The following STK32B variants were observed in gnomAD, a reference collection of about 807,000 sequenced individuals.
STK32B encodes the protein serine/threonine kinase 32B, also known as serine/threonine-protein kinase 32B.
Under a neutral mutation model 52.6 loss-of-function variants are expected in STK32B, and 43 were observed. That is an observed-to-expected ratio of 0.82 (90% CI 0.64 to 1.05). STK32B has a LOEUF of 1.05. STK32B is among the 50% of genes least tolerant of loss of function. STK32B has a pLI of 0.00. For synonymous variants in STK32B, 238 were observed against 204.3 expected (o/e 1.17, Z -1.41); for missense variants, 621 against 534.6 (o/e 1.16, Z -1.59).
rs1303359313 is a variant in STK32B at position 5,064,435 on chromosome 4, T to C, written c.52+12520T>C. Among the ~76,000 whole-genome samples the C allele has an allele frequency of 2.0e-4, 22 of 110,900 alleles. 1 individual carries two copies. Among genetic ancestry groups the C allele is most frequent in the African/African-American group, 7.0e-4 (22 of 31,378 alleles). 72.8% of individuals were successfully genotyped at this position (110,900 alleles called of 152,430 possible). On this transcript the variant is annotated intron_variant, in intron 1 of 11. Coordinates refer to ENST00000282908, the MANE Select transcript of STK32B (RefSeq NM_018401.3). ...ATATATAAATATATACTTATATACA[T>C]ATAATATATAAATATATACTTATAT...
intron 3 of STK32B, among the ~76,000 whole-genome samples, chr4:5,195,495 C>G (rs1474421786): frequency 6.6e-6 from 1 of 152,104 alleles, no homozygotes; most frequent in Non-Finnish European, 1.5e-5. Context: ...TAGTATGAGA[C>G]CAGCCTGGCT....
chr4:5,359,657 G>C (rs1005319651), intron 4 of STK32B, among the ~76,000 whole-genome samples: 3 of 152,220 alleles, frequency 2.0e-5, no homozygotes, highest in African/African-American at 7.2e-5. Flanking sequence ...ACAGAGACCA[G>C]AGAAAGACCT....
intron 2 of STK32B, among the ~76,000 whole-genome samples, chr4:5,143,674 C>T (rs1048828242): frequency 2.0e-5 from 3 of 152,152 alleles, no homozygotes; most frequent in African/African-American, 7.2e-5. Context: ...GGCCCTTGCT[C>T]CTAGCCTGCT....
chr4:5,040,599 G>A, the STK32B span, among the ~76,000 whole-genome samples: 37 of 151,940 alleles, frequency 2.4e-4, no homozygotes, highest in Non-Finnish European at 3.4e-4. Flanking sequence ...TCACCATGTT[G>A]GCCAAGATGG....
intron 6 of STK32B, among the ~76,000 whole-genome samples, chr4:5,439,879 G>C (rs1714540344): frequency 6.6e-6 from 1 of 152,102 alleles, no homozygotes; most frequent in Non-Finnish European, 1.5e-5. Context: ...CCCATTGCTT[G>C]TTTTTCTCAG....
At chr4:5,221,288 A>G (rs1176246485) in intron 3 of STK32B, among the ~76,000 whole-genome samples, 1 of 152,200 alleles carries the variant, frequency 6.6e-6, no homozygotes, top group Non-Finnish European at 1.5e-5. Flanking sequence ...CCAATTTTAC[A>G]GCAATAAAAT....
At chr4:5,161,636 TGTAA>T (rs1307954414) in intron 2 of STK32B, among the ~76,000 whole-genome samples, 2 of 152,188 alleles carry the variant, frequency 1.3e-5, no homozygotes, top group South Asian at 2.1e-4. Flanking sequence ...TGTTGCTGGC[TGTAA>T]GTGTGTATAG....
At chr4:5,384,558 A>AT (rs1318275544) in intron 4 of STK32B, among the ~76,000 whole-genome samples, 7 of 152,074 alleles carry the variant, frequency 4.6e-5, no homozygotes, top group African/African-American at 1.4e-4. Context: ...CCCTGGTTGT[A>AT]TTTTTCTGCA....
chr4:5,470,641 G>A lies in STK32B; in HGVS notation c.1106+2571G>A, dbSNP rs1451122684. On this transcript the variant is annotated intron_variant, in intron 11 of 11. Coordinates refer to ENST00000282908, the MANE Select transcript of STK32B (RefSeq NM_018401.3). This position sits in a 1 kb window ranked among gnomAD's most constrained non-coding sequence, Gnocchi z 4.6. Reference sequence around the variant, plus strand: ...GCCGACCCCATCCCCACCTCATCTTGTGGGAAGAGAGCCATGCTCCATCTA... The same window carrying A: ...GCCGACCCCATCCCCACCTCATCTTATGGGAAGAGAGCCATGCTCCATCTA... Among the ~76,000 whole-genome samples the A allele has an allele frequency of 6.6e-6, 1 of 151,078 alleles. No homozygotes were observed. The highest frequency in any genetic ancestry group is 2.4e-5 in the African/African-American group (1 of 41,418).
Position 5,331,291 on chromosome 4 carries a change from A to T in STK32B, c.332A>T (p.His111Leu). Reference sequence around the variant, plus strand: ...CTCCTGGGAGGCGACCTGCGCTACCATCTGCAGCAGAATGTGCATTTCACA... The same window carrying T: ...CTCCTGGGAGGCGACCTGCGCTACCTTCTGCAGCAGAATGTGCATTTCACA... ...DLLLGGDLRY[H>L]LQQNVHFTEG... Residue 111 changes from histidine to leucine, a missense_variant, in exon 4 of 12, where the codon CAT becomes CTT. Physicochemically the swap from His to Leu is moderately conservative, Grantham distance 99. Coordinates refer to ENST00000282908, the MANE Select transcript of STK32B (RefSeq NM_018401.3). 6.2e-7 allele frequency: 1 copy of T among 1,613,962 alleles called. No homozygotes were observed. The highest frequency in any genetic ancestry group is 1.1e-5 in the South Asian group (1 of 91,050).
At chr4:5,487,607 C>T (rs939483057) in intron 11 of STK32B, among the ~76,000 whole-genome samples, 28 of 152,166 alleles carry the variant, frequency 1.8e-4, no homozygotes, top group Non-Finnish European at 4.0e-4. Context: ...CAAAAGAAAT[C>T]ACCAATACAA....
In STK32B at chr4:5,215,451, C is replaced by T. The variant is rs576955383; in HGVS notation, c.260+47001C>T. 2.0e-3 allele frequency among the ~76,000 whole-genome samples: 305 copies of T among 152,204 alleles called. 1 individual carries two copies. The highest frequency in any genetic ancestry group is 6.8e-3 in the Middle Eastern group (2 of 294). The stretch of plus-strand genomic sequence containing the variant: ...CTTCAGTTAAGAACTGGAGGGTAAA[C>T]GCAGAAGGGGCACCTTTCACATGAG... On this transcript the variant is annotated intron_variant, in intron 3 of 11. Transcript: ENST00000282908.
chr4:5,157,937 C>T (rs919932325), intron 2 of STK32B, among the ~76,000 whole-genome samples: 25 of 152,232 alleles, frequency 1.6e-4, no homozygotes, highest in African/African-American at 6.0e-4. Context: ...ATGCAGACAT[C>T]TTCATGAAGG....
chr4:5,039,419 T>C, the STK32B span, among the ~76,000 whole-genome samples: 1 of 152,158 alleles, frequency 6.6e-6, no homozygotes, highest in Non-Finnish European at 1.5e-5. Context: ...AGGGTCGGGA[T>C]CATCAATTTC....
chr4:5,142,070 C>T (rs765616974), intron 2 of STK32B, among the ~76,000 whole-genome samples: 10 of 152,138 alleles, frequency 6.6e-5, no homozygotes, highest in Non-Finnish European at 8.8e-5. Context: ...CGAGCTCTTC[C>T]GGTAGAGAAG....
chr4:5,469,772 G>T lies in STK32B; in HGVS notation c.1106+1702G>T, dbSNP rs999920935. Reference sequence around the variant, plus strand: ...CAGCTCTGGCCAACAACACAGGAAGGGCCTCTGCAGCCACAGCCCATCAGA... The same window carrying T: ...CAGCTCTGGCCAACAACACAGGAAGTGCCTCTGCAGCCACAGCCCATCAGA... On this transcript the variant is annotated intron_variant, in intron 11 of 11. Transcript: ENST00000282908. This position sits in a 1 kb window ranked among gnomAD's most constrained non-coding sequence, Gnocchi z 4.7. Among the ~76,000 whole-genome samples, 1 of 152,154 alleles carries T rather than the reference G, an allele frequency of 6.6e-6. No individual in the cohort carries two copies. Among genetic ancestry groups the T allele is most frequent in the Non-Finnish European group, 1.5e-5 (1 of 68,032 alleles).
intron 1 of STK32B, among the ~76,000 whole-genome samples, chr4:5,114,437 C>T (rs1387249952): frequency 1.3e-5 from 2 of 151,882 alleles, no homozygotes; most frequent in Non-Finnish European, 2.9e-5. Flanking sequence ...GTCAGGCGTC[C>T]TGTTTTCTAT....
chr4:5,189,152 G>T (rs1220456282), intron 3 of STK32B, among the ~76,000 whole-genome samples: 1 of 152,132 alleles, frequency 6.6e-6, no homozygotes, highest in African/African-American at 2.4e-5. Context: ...ACCTACGGTG[G>T]CACATCACTA....
intron 3 of STK32B, among the ~76,000 whole-genome samples, chr4:5,219,721 A>G (rs1384131766): frequency 6.6e-6 from 1 of 152,220 alleles, no homozygotes; most frequent in Non-Finnish European, 1.5e-5. Context: ...TGTCATTGAC[A>G]GCGGGGCTTC....
Sources: allele counts gnomAD v4.1 joint callset (sites outside exome capture counted in the v4.1 genomes callset), GRCh38; gene constraint gnomAD v4.1.1; non-coding constraint Gnocchi (gnomAD v3.1); transcripts MANE v1.5; gene names NCBI Gene and HGNC (gene_info 2026-07-23, HGNC 2026-07-21).